GSPT1: variants seen among roughly 807,000 people sequenced by gnomAD.
GSPT1 encodes eukaryotic peptide chain release factor GTP-binding subunit ERF3A.
A neutral mutation model predicts 72.5 loss-of-function variants in GSPT1; 20 were observed. The observed-to-expected ratio is 0.28, with a 90% CI of 0.19 to 0.40. The LOEUF is 0.40. Ranked by LOEUF, GSPT1 falls within the 10% of genes least tolerant of loss-of-function variation. The pLI is 1.00. For synonymous variants in GSPT1, 334 were observed against 293.5 expected, an observed-to-expected ratio of 1.14 and a Z score of -1.41; for missense variants, 580 against 811.9, an observed-to-expected ratio of 0.71 and a Z score of 3.47.
chr16:11,888,329 G>A (rs2054210069), intron 6 of GSPT1, among the ~76,000 whole-genome samples: 1 of 151,366 alleles, frequency 6.6e-6, no homozygotes, highest in East Asian at 2.0e-4. Context: ...GGGCATAGTG[G>A]TGCACACCTG....
intron 12 of GSPT1, among the ~76,000 whole-genome samples, chr16:11,876,626 C>T (rs1192801710): frequency 6.6e-6 from 1 of 152,034 alleles, no homozygotes; most frequent in Non-Finnish European, 1.5e-5. Context: ...CGCCTAAATC[C>T]CAGCTACTCA....
At chr16:11,908,616 C>T (rs1236963570) in intron 1 of GSPT1, 2 of 106,956 alleles carry the variant, frequency 1.9e-5, no homozygotes, top group Non-Finnish European at 3.5e-5. Flanking sequence ...AAAAATTAGC[C>T]GGGCGTAGTG....
At chr16:11,890,179 C>A (rs1425459266) in intron 6 of GSPT1, among the ~76,000 whole-genome samples, 1 of 151,596 alleles carries the variant, frequency 6.6e-6, no homozygotes, top group Admixed American at 6.6e-5. Flanking sequence ...CCAGGATGGT[C>A]TCGATCTCCT....
At chr16:11,911,547 A>G (rs1050424835) in intron 1 of GSPT1, among the ~76,000 whole-genome samples, 8 of 112,846 alleles carry the variant, frequency 7.1e-5, no homozygotes, top group African/African-American at 2.7e-4. Context: ...CACCACACCC[A>G]GCTATTTTTT....
chr16:11,897,371 G>A (rs1475831112), intron 3 of GSPT1, among the ~76,000 whole-genome samples: 1 of 152,132 alleles, frequency 6.6e-6, no homozygotes, highest in Admixed American at 6.6e-5. Flanking sequence ...TGGATCACGA[G>A]GTCAGGAGTT....
At chr16:11,874,833 C>G (rs537406571) in intron 14 of GSPT1, among the ~76,000 whole-genome samples, 1 of 152,082 alleles carries the variant, frequency 6.6e-6, no homozygotes, top group Non-Finnish European at 1.5e-5. Flanking sequence ...TTCTGTATTT[C>G]AATGGAACTA....
chr16:11,908,366 T>G (rs946328137), intron 1 of GSPT1: 4 of 152,232 alleles, frequency 2.6e-5, no homozygotes, highest in African/African-American at 9.7e-5. Flanking sequence ...CTCACACCTG[T>G]AATCCCAGCA....
At chr16:11,897,767 C>CATAATGCACCTTAAATCTTGAG in intron 3 of GSPT1, 73 bp downstream of exon 3, 1 of 767,438 alleles carries the variant, frequency 1.3e-6, no homozygotes, top group Admixed American at 2.1e-5. Context: ...TCGTAACTTA[C>CATAATGCACCTTAAATCTTGAG]ATAATGCACC....
chr16:11,915,307 A>AC, intron 1 of GSPT1, 62 bp downstream of exon 1: 1 of 1,363,310 alleles, frequency 7.3e-7, no homozygotes, highest in Non-Finnish European at 9.4e-7. Flanking sequence ...CCCGGACCGC[A>AC]CCCCTACGCC....
intron 6 of GSPT1, 150 bp downstream of exon 6, chr16:11,890,912 T>A (rs1304463214): frequency 1.3e-5 from 7 of 542,180 alleles, no homozygotes; most frequent in Non-Finnish European, 2.3e-5. Context: ...TAGGAACTCA[T>A]CTACTGTGTA....
At chr16:11,887,938 C>T (rs539307470) in intron 6 of GSPT1, among the ~76,000 whole-genome samples, 188 bp from the exon 7 acceptor site, 1 of 151,692 alleles carries the variant, frequency 6.6e-6, no homozygotes, top group African/African-American at 2.4e-5. Flanking sequence ...GCCAAGGCGG[C>T]GGATCACAAG....
intron 1 of GSPT1, among the ~76,000 whole-genome samples, chr16:11,907,477 T>A (rs1283147488): frequency 6.6e-6 from 1 of 152,230 alleles, no homozygotes; most frequent in East Asian, 1.9e-4. Flanking sequence ...TCAATAAATT[T>A]ATTACAGCAA....
At chr16:11,901,447 CTA>C (rs1189961453) in intron 1 of GSPT1, among the ~76,000 whole-genome samples, 6 of 152,104 alleles carry the variant, frequency 3.9e-5, no homozygotes, top group African/African-American at 1.4e-4. Flanking sequence ...AGTGTTATCT[CTA>C]TGTTTAGAAA....
chr16:11,903,646 G>A (rs550625955), intron 1 of GSPT1, among the ~76,000 whole-genome samples: 16 of 152,238 alleles, frequency 1.1e-4, no homozygotes, highest in Middle Eastern at 3.4e-3. Flanking sequence ...AACCAAGATC[G>A]CACCACTGCA....
At chr16:11,887,024 T>TTC in intron 7 of GSPT1, 93 bp from the exon 8 acceptor site, 1 of 903,172 alleles carries the variant, frequency 1.1e-6, no homozygotes, top group Non-Finnish European at 1.6e-6. Context: ...ATCACGAGTT[T>TTC]TTTTTTTTTT....
intron 11 of GSPT1, among the ~76,000 whole-genome samples, chr16:11,879,388 C>T (rs1016093495): frequency 2.0e-5 from 3 of 149,914 alleles, no homozygotes; most frequent in Non-Finnish European, 3.0e-5. Flanking sequence ...AAGGAGACTC[C>T]GTCTCAAAAA....
Position 11,891,153 on chromosome 16 carries a change from AAG to A in GSPT1, c.699-16_699-15del. The A allele has an allele frequency of 7.4e-7, 1 of 1,354,942 alleles. No homozygotes were observed. The highest frequency in any genetic ancestry group is 1.0e-6 in the Non-Finnish European group (1 of 992,722). The allele number at this position is 1,354,942 out of a possible 1,614,324, so 83.9% of individuals were successfully genotyped here. On this transcript the variant is annotated splice_polypyrimidine_tract_variant and intron_variant, in intron 5 of 14. Coordinates refer to ENST00000434724, the MANE Select transcript of GSPT1 (RefSeq NM_002094.4). ...CCAGTCAAATACCTGAAAACATTTA[AAG>A]AAAAAAAAAAGTAAACAATTACTCA...
Position 11,915,422 on chromosome 16 carries a change from A to G in GSPT1, c.299T>C (p.Val100Ala), listed in dbSNP as rs424518. The G allele has an allele frequency of 1, 1,513,331 of 1,517,996 alleles. 754,408 individuals are homozygous for G. The highest frequency in any genetic ancestry group is 1 in the Non-Finnish European group (1,137,019 of 1,137,764). The allele number at this position is 1,517,996 out of a possible 1,614,324, so 94.0% of individuals were successfully genotyped here. ...LRGPAAPPPP[V>A]GGAANNHGAG... ...TCCGTGGTTATTGGCGGCGCCGCCA[A>G]CTGGGGGTGGCGGCGCTGCCGGGCC... is the stretch of plus-strand genomic sequence containing the variant. The change falls in exon 1 of 15, where the codon GTT becomes GCT. Residue 100 changes from valine to alanine, a missense_variant. By Grantham distance (64) the Val-to-Ala change is moderately conservative. Around this residue, in one of 6 missense-constraint regions of GSPT1, gnomAD observed 327 missense variants for 298.8 expected, o/e 1.09. Transcript: ENST00000434724.
At chr16:11,883,570 A>C (rs541956085) in intron 10 of GSPT1, among the ~76,000 whole-genome samples, 1 of 151,550 alleles carries the variant, frequency 6.6e-6, no homozygotes, top group East Asian at 1.9e-4. Context: ...CAGTGAGCCG[A>C]GACTGAACCA....
Sources: allele counts gnomAD v4.1 joint callset (sites outside exome capture counted in the v4.1 genomes callset), GRCh38; gene constraint gnomAD v4.1.1; regional missense constraint gnomAD v4.1.1; transcripts MANE v1.5; gene names NCBI Gene and HGNC (gene_info 2026-07-23, HGNC 2026-07-21).